DNAJB11: variants seen among roughly 807,000 people sequenced by gnomAD.
The protein encoded by DNAJB11 is DnaJ heat shock protein family (Hsp40) member B11, also known as dnaJ homolog subfamily B member 11.
In DNAJB11, 30 loss-of-function variants were observed where a neutral mutation model predicts 47.2. That is an observed-to-expected ratio of 0.64 (90% CI 0.48 to 0.86). The LOEUF (loss-of-function observed/expected upper bound fraction) is 0.86. Among genes scored for constraint, DNAJB11 ranks in the 40% least tolerant of loss-of-function variants. The pLI, the probability that DNAJB11 is intolerant of heterozygous loss-of-function variation, is 0.00. For synonymous variants in DNAJB11, 151 were observed against 159.9 expected (o/e 0.94, Z 0.42); for missense variants, 357 against 440.2 (o/e 0.81, Z 1.69).
chr3:186,580,060 A>C (rs1715432335), intron 4 of DNAJB11: 1 of 152,236 alleles, frequency 6.6e-6, no homozygotes, highest in Non-Finnish European at 1.5e-5. Flanking sequence ...AAGGGCATTA[A>C]AAATATTCAT....
intron 7 of DNAJB11, among the ~76,000 whole-genome samples, chr3:186,583,381 G>A (rs1715551591): frequency 6.6e-6 from 1 of 152,202 alleles, no homozygotes; most frequent in South Asian, 2.1e-4. Flanking sequence ...GTTTTCCCCA[G>A]CTTCTTTACC....
Position 186,582,755 on chromosome 3 carries a change from TC to T in DNAJB11, c.724del (p.Arg242GlufsTer21). On this transcript the variant is annotated frameshift_variant, in exon 7 of 10. Coordinates refer to ENST00000265028, the MANE Select transcript of DNAJB11 (RefSeq NM_016306.6). LOFTEE classifies it high-confidence loss of function. ...GATGGGGAGCCTGGAGATTTACGGT[TC>T]CGAATCAAAGTTGTCAAGTAAGTAA... ...HVDGEPGDLR[F>X]RIKVVKHPIF... 6.3e-7 allele frequency: 1 copy of T among 1,587,258 alleles called. No homozygotes were observed. The highest frequency in any genetic ancestry group is 8.6e-7 in the Non-Finnish European group (1 of 1,165,074).
At chr3:186,574,682 A>G (rs1047218985) in intron 2 of DNAJB11, among the ~76,000 whole-genome samples, 1 of 152,178 alleles carries the variant, frequency 6.6e-6, no homozygotes, top group African/African-American at 2.4e-5. Flanking sequence ...TTATCCTTTC[A>G]AGGATATCTT....
chr3:186,582,886 G>T (rs1004907393), intron 7 of DNAJB11, 113 bp downstream of exon 7: 4 of 797,510 alleles, frequency 5.0e-6, no homozygotes, highest in Non-Finnish European at 8.5e-6. Flanking sequence ...TACCCTAAAC[G>T]ATGATTTGTA....
At position 186,577,679 on chromosome 3, in the gene DNAJB11, A is replaced by G; in HGVS notation, c.335A>G (p.Asp112Gly). ...HGDIFSHFFG[D>G]FGFMFGGTPR... Reference sequence around the variant, plus strand: ...GCACTTATCTTTAGCTTCTTTGGGGATTTTGGTTTCATGTTTGGAGGAACC... The same window carrying G: ...GCACTTATCTTTAGCTTCTTTGGGGGTTTTGGTTTCATGTTTGGAGGAACC... The change falls in exon 4 of 10, where the codon GAT becomes GGT. Residue 112 changes from aspartate to glycine, a missense_variant. Transcript: ENST00000265028. The G allele has an allele frequency of 1.3e-6, 2 of 1,558,456 alleles. No individual in the cohort carries two copies. The highest frequency in any genetic ancestry group is 1.7e-6 in the Non-Finnish European group (2 of 1,154,642).
intron 7 of DNAJB11, among the ~76,000 whole-genome samples, chr3:186,583,478 A>C (rs1156362292): frequency 6.6e-6 from 1 of 152,146 alleles, no homozygotes; most frequent in Non-Finnish European, 1.5e-5. Context: ...TCTTTGCCAG[A>C]ATTCCTTCTC....
intron 2 of DNAJB11, among the ~76,000 whole-genome samples, chr3:186,574,027 A>G (rs1281928462): frequency 6.6e-6 from 1 of 152,140 alleles, no homozygotes; most frequent in Non-Finnish European, 1.5e-5. Flanking sequence ...TTCAAGCTTG[A>G]TTGCCTTTAG....
At chr3:186,574,454 A>C (rs1396469486) in intron 2 of DNAJB11, among the ~76,000 whole-genome samples, 9 of 151,558 alleles carry the variant, frequency 5.9e-5, no homozygotes, top group Non-Finnish European at 1.2e-4. Context: ...AAAATATTGG[A>C]GATCCAGTTA....
In DNAJB11 at chr3:186,576,907, G is replaced by A. The variant is rs1015480092; in HGVS notation, c.324-761G>A. Among the ~76,000 whole-genome samples the A allele has an allele frequency of 3.3e-5, 5 of 152,140 alleles. No homozygotes were observed. The South Asian group carries it at 8.3e-4, about 25-fold the overall frequency. On this transcript the variant is annotated intron_variant, in intron 3 of 9. Coordinates refer to ENST00000265028, the MANE Select transcript of DNAJB11 (RefSeq NM_016306.6). Reference sequence around the variant, plus strand: ...ATTCATTCACCTGAGTTGGTTGGTGGGAGAGGGAGTTATATAGTTATCATC... The same window carrying A: ...ATTCATTCACCTGAGTTGGTTGGTGAGAGAGGGAGTTATATAGTTATCATC...
intron 1 of DNAJB11, 30 bp downstream of exon 1, chr3:186,570,995 G>T: frequency 7.1e-7 from 1 of 1,407,220 alleles, no homozygotes; most frequent in Non-Finnish European, 9.7e-7. Flanking sequence ...AGACAACGGG[G>T]CCTGTGGGTC....
chr3:186,577,855 C>A (rs1715353406), intron 4 of DNAJB11, 55 bp downstream of exon 4: 6 of 1,475,212 alleles, frequency 4.1e-6, no homozygotes, highest in Non-Finnish European at 5.4e-6. Context: ...GCACTTTTGA[C>A]TAAAAATAAG....
chr3:186,575,529 CTT>C (rs1389950885), intron 2 of DNAJB11, among the ~76,000 whole-genome samples: 1 of 152,176 alleles, frequency 6.6e-6, no homozygotes, highest in Non-Finnish European at 1.5e-5. Flanking sequence ...CGTCTTAACT[CTT>C]TCCTGTCACC....
chr3:186,574,039 C>G (rs774513252), intron 2 of DNAJB11, among the ~76,000 whole-genome samples: 1 of 152,098 alleles, frequency 6.6e-6, no homozygotes, highest in Non-Finnish European at 1.5e-5. Context: ...TGCCTTTAGT[C>G]TTAGGTAAAT....
In DNAJB11 at chr3:186,583,932, C is replaced by G; in HGVS notation, c.808C>G (p.Leu270Val). 6.2e-7 allele frequency: 1 copy of G among 1,613,816 alleles called. No homozygotes were observed. The highest frequency in any genetic ancestry group is 1.1e-5 in the South Asian group (1 of 91,072). The change falls in exon 8 of 10, where the codon CTG (leucine) becomes GTG (valine). Residue 270 changes from leucine to valine, a missense_variant. By Grantham distance (32) the Leu-to-Val change is conservative. Coordinates refer to ENST00000265028, the MANE Select transcript of DNAJB11 (RefSeq NM_016306.6). Reference protein sequence around the residue: ...TNVTISLVESLVGFEMDITHL... With the variant: ...TNVTISLVESVVGFEMDITHL... ...TGTGACAATCTCATTAGTTGAGTCA[C>G]TGGTTGGCTTTGAGATGGATATTAC...
chr3:186,582,945 CCA>C (rs557468011), intron 7 of DNAJB11, among the ~76,000 whole-genome samples, 172 bp downstream of exon 7: 265 of 152,120 alleles, frequency 1.7e-3, no homozygotes, highest in African/African-American at 6.1e-3. Context: ...GGATTGAGCC[CCA>C]GTTATTTATT....
chr3:186,581,224 G>A (rs1715472311), intron 4 of DNAJB11, 147 bp from the exon 5 acceptor site: 2 of 879,452 alleles, frequency 2.3e-6, no homozygotes, highest in Non-Finnish European at 1.7e-6. Flanking sequence ...TCTTCAAAGA[G>A]TTTTGTCAGC....
intron 3 of DNAJB11, 22 bp downstream of exon 3, chr3:186,575,959 A>C: frequency 6.5e-7 from 1 of 1,545,246 alleles, no homozygotes; most frequent in Non-Finnish European, 8.9e-7. Context: ...ACCCATCTGC[A>C]AAGTGTTAGT....
chr3:186,585,477 T>C lies in DNAJB11; in HGVS notation c.*69T>C. The C allele has an allele frequency of 7.9e-7, 1 of 1,265,162 alleles. No homozygotes were observed. Among genetic ancestry groups the C allele is most frequent in the Non-Finnish European group, 1.1e-6 (1 of 895,248 alleles). The allele number at this position is 1,265,162 out of a possible 1,614,324, so 78.4% of individuals were successfully genotyped here. A position where few individuals can be genotyped will look rare whatever the true frequency, so the allele number is the denominator to read the frequency against. The stretch of plus-strand genomic sequence containing the variant: ...ATATTTATTATCTGCAAGGTTTTTT[T>C]GTGTGTGTTTTTGTTTTTATTTTCA... On this transcript the variant is annotated 3_prime_UTR_variant, in exon 10 of 10. Transcript: ENST00000265028.
intron 9 of DNAJB11, among the ~76,000 whole-genome samples, 193 bp downstream of exon 9, chr3:186,584,782 G>A (rs1578997612): frequency 6.6e-6 from 1 of 152,132 alleles, no homozygotes; most frequent in African/African-American, 2.4e-5. Flanking sequence ...GCATCTTTGT[G>A]TTACAAAAGT....
Sources: gnomAD v4.1 joint callset for allele counts (sites outside exome capture counted in the v4.1 genomes callset) on GRCh38, gnomAD v4.1.1 for gene constraint, MANE v1.5 for transcripts, NCBI Gene and HGNC (gene_info 2026-07-23, HGNC 2026-07-21) for gene names.